DOCK1: variants seen among roughly 807,000 people sequenced by gnomAD.
The protein encoded by DOCK1 is dedicator of cytokinesis 1.
Under a neutral mutation model 262.7 loss-of-function variants are expected in DOCK1, and 138 were observed. The ratio of observed to expected loss-of-function variants is 0.53; its 90% CI spans 0.46 to 0.61. DOCK1 has a LOEUF of 0.61. Among genes scored for constraint, DOCK1 ranks in the 20% least tolerant of loss-of-function variants. DOCK1 has a pLI of 0.00. For synonymous variants in DOCK1, 866 were observed against 867.4 expected, an observed-to-expected ratio of 1.00 and a Z score of 0.03; for missense variants, 1,908 against 2,370.7, an observed-to-expected ratio of 0.80 and a Z score of 4.05.
At chr10:127,037,606 G>T in intron 18 of DOCK1, 113 bp from the exon 19 acceptor site, 2 of 833,620 alleles carry the variant, frequency 2.4e-6, no homozygotes, top group Non-Finnish European at 3.7e-6. Context: ...TTAAAATAGG[G>T]TTGATTTCTC....
intron 38 of DOCK1, among the ~76,000 whole-genome samples, chr10:127,388,694 G>T (rs2066281080): frequency 6.6e-6 from 1 of 152,144 alleles, no homozygotes; most frequent in African/African-American, 2.4e-5. Context: ...GAACACAGCC[G>T]GAGAGGACAG....
intron 4 of DOCK1, among the ~76,000 whole-genome samples, chr10:126,982,215 G>T (rs555368386): frequency 6.6e-6 from 1 of 152,118 alleles, no homozygotes; most frequent in Non-Finnish European, 1.5e-5. Flanking sequence ...TGAACCTGGG[G>T]TCACTATTGG....
chr10:126,943,787 A>C (rs1039770882), intron 1 of DOCK1, among the ~76,000 whole-genome samples: 50 of 152,128 alleles, frequency 3.3e-4, no homozygotes, highest in African/African-American at 1.1e-3. Context: ...TAATGAGATG[A>C]AGAGGGGTAG....
At chr10:127,431,544 G>A (rs2069288883) in intron 47 of DOCK1, among the ~76,000 whole-genome samples, 1 of 152,212 alleles carries the variant, frequency 6.6e-6, no homozygotes, top group Admixed American at 6.5e-5. Flanking sequence ...TCTAAAGGCA[G>A]AGTAATTACA....
intron 31 of DOCK1, among the ~76,000 whole-genome samples, chr10:127,345,317 C>G (rs1157691559): frequency 6.6e-6 from 1 of 152,196 alleles, no homozygotes; most frequent in Non-Finnish European, 1.5e-5. Flanking sequence ...ATTCCTTAGG[C>G]CCTCGTATCT....
chr10:127,407,104 G>T (rs758831429), intron 40 of DOCK1, among the ~76,000 whole-genome samples: 38 of 151,880 alleles, frequency 2.5e-4, no homozygotes, highest in Non-Finnish European at 5.1e-4. Flanking sequence ...AGCACAAAGT[G>T]AAAAAGAATT....
rs1417322575 is a variant in DOCK1 at position 127,303,416 on chromosome 10, A to G, written c.3045-35590A>G. Among the ~76,000 whole-genome samples, 4 of 152,212 alleles carry G rather than the reference A, an allele frequency of 2.6e-5. No homozygotes were observed. In the South Asian group the frequency reaches 6.2e-4, roughly 24 times the overall value. The stretch of plus-strand genomic sequence containing the variant: ...CAATGCCTAGTTGAGAAGAGAGCTC[A>G]GAGGAGCCTGGCTAACATTTAGTCA... On this transcript the variant is annotated intron_variant, in intron 29 of 51. Transcript: ENST00000623213.
intron 19 of DOCK1, among the ~76,000 whole-genome samples, chr10:127,038,076 A>G (rs1564752767): frequency 6.6e-6 from 1 of 151,952 alleles, no homozygotes; most frequent in Non-Finnish European, 1.5e-5. Flanking sequence ...TCTACTAAAA[A>G]TACAAAATTA....
At chr10:127,120,798 A>G (rs1780113) in intron 25 of DOCK1, among the ~76,000 whole-genome samples, 151,789 of 152,362 alleles carry the variant, frequency 1, 75,611 homozygotes, top group Middle Eastern at 1. Flanking sequence ...CATGCTCAGA[A>G]GTTTCCATGT....
intron 23 of DOCK1, among the ~76,000 whole-genome samples, chr10:127,076,298 A>G (rs7914054): frequency 0.029 from 4,360 of 152,268 alleles, 108 homozygotes; most frequent in African/African-American, 0.074. Context: ...TCAGTAGATC[A>G]AGACCATCCT....
chr10:127,184,683 C>G (rs1235720815), intron 27 of DOCK1, among the ~76,000 whole-genome samples: 2 of 152,206 alleles, frequency 1.3e-5, no homozygotes, highest in Non-Finnish European at 2.9e-5. Context: ...CTGCTGACTT[C>G]CATTAAGCCA....
At chr10:127,028,734 G>C (rs571927502) in intron 16 of DOCK1, among the ~76,000 whole-genome samples, 1 of 152,184 alleles carries the variant, frequency 6.6e-6, no homozygotes. Flanking sequence ...CAGCTAGGGC[G>C]TGGCAGCCTG....
chr10:127,239,572 A>G (rs993742219), intron 27 of DOCK1, among the ~76,000 whole-genome samples: 1 of 152,186 alleles, frequency 6.6e-6, no homozygotes, highest in Non-Finnish European at 1.5e-5. Context: ...ACTTTCATTT[A>G]TAACAATGAT....
chr10:127,036,074 C>T (rs966474400), intron 18 of DOCK1, among the ~76,000 whole-genome samples: 13 of 151,976 alleles, frequency 8.6e-5, no homozygotes, highest in Non-Finnish European at 1.9e-4. Flanking sequence ...ATTCGTCATC[C>T]TCTCCTGGGA....
At chr10:127,418,732 C>T (rs573070544) in intron 45 of DOCK1, among the ~76,000 whole-genome samples, 191 bp downstream of exon 45, 26 of 152,350 alleles carry the variant, frequency 1.7e-4, no homozygotes, top group East Asian at 3.9e-4. Context: ...GCCGGAGTCC[C>T]GGCAAGGCTC....
chr10:127,042,835 C>A, intron 20 of DOCK1, 121 bp downstream of exon 20: 3 of 1,089,080 alleles, frequency 2.8e-6, no homozygotes, highest in South Asian at 1.5e-5. Context: ...GTTGTAAATC[C>A]AATCAGAGAT....
Position 126,905,940 on chromosome 10 carries a change from A to C in DOCK1, c.46+377A>C, listed in dbSNP as rs190854324. Among the ~76,000 whole-genome samples the C allele has an allele frequency of 1.6e-3, 249 of 152,086 alleles. 1 individual carries two copies. The highest frequency in any genetic ancestry group is 0.013 in the Admixed American group (206 of 15,284). Reference sequence around the variant, plus strand: ...ATCTGCGCGGCTGGGCCCGTCAGGGAAGCCCAGGGGTCACTGTCTCGCGGC... The same window carrying C: ...ATCTGCGCGGCTGGGCCCGTCAGGGCAGCCCAGGGGTCACTGTCTCGCGGC... On this transcript the variant is annotated intron_variant, in intron 1 of 51. Transcript: ENST00000623213.
At chr10:126,929,720 G>T (rs1185385482) in intron 1 of DOCK1, among the ~76,000 whole-genome samples, 1 of 152,126 alleles carries the variant, frequency 6.6e-6, no homozygotes, top group African/African-American at 2.4e-5. Context: ...GACCATTGCG[G>T]GGAGGGGCAG....
intron 10 of DOCK1, among the ~76,000 whole-genome samples, chr10:127,004,598 T>G (rs1293834104): frequency 4.6e-5 from 7 of 151,810 alleles, no homozygotes; most frequent in Non-Finnish European, 8.8e-5. Flanking sequence ...AATACAAAAG[T>G]TAGCTGGGCG....
Sources: allele counts gnomAD v4.1 joint callset (sites outside exome capture counted in the v4.1 genomes callset), GRCh38; gene constraint gnomAD v4.1.1; transcripts MANE v1.5; gene names NCBI Gene and HGNC (gene_info 2026-07-23, HGNC 2026-07-21).